The following CNTN5 variants were observed in gnomAD, a reference collection of about 807,000 sequenced individuals.
CNTN5 encodes contactin 5, also known as contactin-5.
Under a neutral mutation model 129.1 loss-of-function variants are expected in CNTN5, and 77 were observed. The observed-to-expected ratio is 0.60, with a 90% CI of 0.50 to 0.72. The LOEUF is 0.72. Ranked by LOEUF, CNTN5 falls within the 30% of genes least tolerant of loss-of-function variation. The pLI, the probability that CNTN5 is intolerant of heterozygous loss-of-function variation, is 0.00. For synonymous variants in CNTN5, 509 were observed against 465.6 expected (o/e 1.09, Z -1.20); for missense variants, 1,478 against 1,328.8 (o/e 1.11, Z -1.75).
In CNTN5 at chr11:100,235,079, T is replaced by C. The variant is rs542597894; in HGVS notation, c.2005+10267T>C. 4.6e-5 allele frequency among the ~76,000 whole-genome samples: 7 copies of C among 152,308 alleles called. No homozygotes were observed. The South Asian group carries it at 1.5e-3, about 32-fold the overall frequency. On this transcript the variant is annotated intron_variant, in intron 16 of 24. Coordinates refer to ENST00000524871, the MANE Select transcript of CNTN5 (RefSeq NM_014361.4). Reference sequence around the variant, plus strand: ...GTCATGAAAACAAAACAAAATGGCCTTTAATGTTAAAAAAGATGGTCTTAA... The same window carrying C: ...GTCATGAAAACAAAACAAAATGGCCCTTAATGTTAAAAAAGATGGTCTTAA...
In CNTN5 at chr11:99,828,595, C is replaced by T. The variant is rs140856899; in HGVS notation, c.277+8830C>T. 4.6e-3 allele frequency among the ~76,000 whole-genome samples: 695 copies of T among 152,204 alleles called. 9 individuals carry two copies. The highest frequency in any genetic ancestry group is 0.013 in the African/African-American group (551 of 41,542). ...GCACCTTGAAATCATAGCCGATACC[C>T]TATGCTATTTTATTAAATAGAAAGT... On this transcript the variant is annotated intron_variant, in intron 4 of 24. Transcript: ENST00000524871.
chr11:99,999,978 A>G (rs1939752199), intron 8 of CNTN5, among the ~76,000 whole-genome samples: 1 of 146,670 alleles, frequency 6.8e-6, no homozygotes, highest in Admixed American at 6.9e-5. Flanking sequence ...GGACACAGGA[A>G]GGGGAACATC....
chr11:100,061,550 C>G (rs1943484391), intron 10 of CNTN5, among the ~76,000 whole-genome samples, 157 bp downstream of exon 10: 1 of 152,128 alleles, frequency 6.6e-6, no homozygotes, highest in Admixed American at 6.6e-5. Flanking sequence ...TGTCAAATTA[C>G]CCTATACATA....
chr11:99,241,028 A>C (rs926759675), intron 1 of CNTN5, among the ~76,000 whole-genome samples: 1 of 152,226 alleles, frequency 6.6e-6, no homozygotes, highest in Non-Finnish European at 1.5e-5. Flanking sequence ...GTATAAATAC[A>C]CACAATTCGA....
rs1472205572 is a variant in CNTN5, at chr11:99,840,941, A to G, written c.278-3911A>G. Reference sequence around the variant, plus strand: ...ATAAAAAATGTATCTCAGTATATCTATAATCTCTTTACAGTAGAAACATCA... The same window carrying G: ...ATAAAAAATGTATCTCAGTATATCTGTAATCTCTTTACAGTAGAAACATCA... On this transcript the variant is annotated intron_variant, in intron 4 of 24. Transcript: ENST00000524871. 3.3e-5 allele frequency among the ~76,000 whole-genome samples: 5 copies of G among 152,270 alleles called. No individual in the cohort carries two copies. The East Asian group carries it at 9.6e-4, about 29-fold the overall frequency.
chr11:99,314,081 G>A (rs1361128960), intron 1 of CNTN5, among the ~76,000 whole-genome samples: 5 of 151,828 alleles, frequency 3.3e-5, no homozygotes, highest in African/African-American at 9.7e-5. Flanking sequence ...CTGTTTAGAC[G>A]TGTATAAACA....
intron 18 of CNTN5, among the ~76,000 whole-genome samples, chr11:100,286,175 G>T (rs1291192171): frequency 6.6e-6 from 1 of 152,140 alleles, no homozygotes; most frequent in Non-Finnish European, 1.5e-5. Context: ...AGCCAGGCTG[G>T]GGGAGGGGCG....
chr11:99,545,302 T>A (rs555128201), intron 2 of CNTN5, among the ~76,000 whole-genome samples: 1 of 152,230 alleles, frequency 6.6e-6, no homozygotes, highest in Non-Finnish European at 1.5e-5. Flanking sequence ...ATTGTTTAAA[T>A]GCAATTTAGC....
chr11:99,919,721 T>C (rs1949888155), intron 7 of CNTN5, among the ~76,000 whole-genome samples: 1 of 152,164 alleles, frequency 6.6e-6, no homozygotes, highest in Non-Finnish European at 1.5e-5. Context: ...TTTCAAAAAG[T>C]CATTCAATCC....
intron 1 of CNTN5, among the ~76,000 whole-genome samples, chr11:99,125,578 C>T (rs191853166): frequency 7.2e-5 from 11 of 152,158 alleles, no homozygotes; most frequent in Admixed American, 2.6e-4. Context: ...CACTCCTATT[C>T]AACATAGTGT....
intron 1 of CNTN5, among the ~76,000 whole-genome samples, chr11:99,032,533 T>C (rs1427761282): frequency 6.6e-6 from 1 of 151,974 alleles, no homozygotes; most frequent in African/African-American, 2.4e-5. Flanking sequence ...GTGAGCATTT[T>C]TTCATGTGTT....
At chr11:99,184,480 T>G (rs1391947532) in intron 1 of CNTN5, among the ~76,000 whole-genome samples, 1 of 152,088 alleles carries the variant, frequency 6.6e-6, no homozygotes, top group East Asian at 1.9e-4. Context: ...GCTTTCTTCC[T>G]CCAGGCAGCC....
At chr11:99,370,311 C>G (rs1417461904) in intron 2 of CNTN5, among the ~76,000 whole-genome samples, 1 of 152,104 alleles carries the variant, frequency 6.6e-6, no homozygotes, top group Non-Finnish European at 1.5e-5. Context: ...TGAAAATCAT[C>G]TTTTGGATTG....
chr11:100,186,516 G>A (rs967699577), intron 13 of CNTN5, among the ~76,000 whole-genome samples: 18 of 152,122 alleles, frequency 1.2e-4, no homozygotes, highest in African/African-American at 3.9e-4. Flanking sequence ...CTGGGCTACT[G>A]GACAGACTAA....
chr11:99,900,428 G>T (rs1300067095), intron 6 of CNTN5, among the ~76,000 whole-genome samples: 1 of 151,774 alleles, frequency 6.6e-6, no homozygotes, highest in Non-Finnish European at 1.5e-5. Context: ...GATTCAGTTT[G>T]ATAGTATTTT....
At position 100,006,004 on chromosome 11, in the gene CNTN5, G is replaced by A. The variant is rs188722868; in HGVS notation, c.980+3868G>A. On this transcript the variant is annotated intron_variant, in intron 9 of 24. Coordinates refer to ENST00000524871, the MANE Select transcript of CNTN5 (RefSeq NM_014361.4). ...AGATATTTGAGGTTCAGTTCCAGATGCCACAATAAAGCAAATTTCACAATG... is the reference window on the plus strand; with the variant it reads ...AGATATTTGAGGTTCAGTTCCAGATACCACAATAAAGCAAATTTCACAATG... Among the ~76,000 whole-genome samples the A allele has an allele frequency of 3.2e-4, 48 of 152,150 alleles. No homozygotes were observed. In the Middle Eastern group the frequency reaches 0.01, roughly 32 times the overall value.
chr11:100,042,125 G>T (rs1286100571), intron 9 of CNTN5, among the ~76,000 whole-genome samples: 1 of 152,026 alleles, frequency 6.6e-6, no homozygotes, highest in Non-Finnish European at 1.5e-5. Context: ...GCCCCTGAAG[G>T]TTTCCAGACT....
At chr11:99,122,615 G>T (rs1858402059) in intron 1 of CNTN5, among the ~76,000 whole-genome samples, 1 of 151,886 alleles carries the variant, frequency 6.6e-6, no homozygotes, top group African/African-American at 2.4e-5. Flanking sequence ...CTGTCACTGG[G>T]GTTTAGTATA....
intron 13 of CNTN5, among the ~76,000 whole-genome samples, chr11:100,094,545 T>G (rs759683699): frequency 6.6e-6 from 1 of 152,080 alleles, no homozygotes; most frequent in Non-Finnish European, 1.5e-5. Context: ...AGTAAAGCCC[T>G]GATGTGTGTT....
Sources: gnomAD v4.1 joint callset for allele counts (sites outside exome capture counted in the v4.1 genomes callset) on GRCh38, gnomAD v4.1.1 for gene constraint, MANE v1.5 for transcripts, NCBI Gene and HGNC (gene_info 2026-07-23, HGNC 2026-07-21) for gene names.